Variants in CNOT6L observed in about 807,000 individuals in gnomAD.
CNOT6L encodes the protein CCR4-NOT transcription complex subunit 6-like.
Under a neutral mutation model 64.0 loss-of-function variants are expected in CNOT6L, and 7 were observed. That is an observed-to-expected ratio of 0.11 (90% confidence interval 0.06 to 0.21). CNOT6L has a LOEUF of 0.21. CNOT6L is among the 10% of genes least tolerant of loss of function. The pLI is 1.00. For synonymous variants in CNOT6L, 193 were observed against 243.4 expected (o/e 0.79, Z 1.93); for missense variants, 245 against 669.0 (o/e 0.37, Z 6.99).
chr4:77,819,075 C>CACACA (rs71214371), intron 1 of CNOT6L: 151 of 732,548 alleles, frequency 2.1e-4, no homozygotes, highest in South Asian at 2.8e-4. Context: ...CACACACACA[C>CACACA]CCCGGAACCT....
At chr4:77,819,494 G>T, upstream of CNOT6L, 2 of 1,271,638 alleles carry the variant, frequency 1.6e-6, no homozygotes, top group Non-Finnish European at 2.1e-6. Context: ...CCGAGGGGAA[G>T]CCGCGGCGGC....
At chr4:77,765,377 AAAATTTCTC>A (rs1482703720) in intron 4 of CNOT6L, among the ~76,000 whole-genome samples, 1 of 152,004 alleles carries the variant, frequency 6.6e-6, no homozygotes, top group African/African-American at 2.4e-5. Context: ...CTTAAAAAAA[AAAATTTCTC>A]AAAAGTTCTC....
intron 8 of CNOT6L, among the ~76,000 whole-genome samples, chr4:77,735,107 C>T (rs78860381): frequency 0.064 from 9,732 of 152,178 alleles, 469 homozygotes; most frequent in African/African-American, 0.13. Flanking sequence ...AATTAGAAAT[C>T]GAAAGCAAAA....
chr4:77,807,276 C>CAAAAAAAAAAAAAA lies in CNOT6L; in HGVS notation c.5+12014_5+12027dup, dbSNP rs58452605. ...ATGGCGACAGAGTGAGACTCCATCT[C>CAAAAAAAAAAAAAA]AAAAAAAAAAAAAAAAATCCTACAA... On this transcript the variant is annotated intron_variant, in intron 1 of 11. Transcript: ENST00000504123. Among the ~76,000 whole-genome samples, 34 of 108,178 alleles carry CAAAAAAAAAAAAAA rather than the reference C, an allele frequency of 3.1e-4. 1 individual carries two copies. Among genetic ancestry groups the CAAAAAAAAAAAAAA allele is most frequent in the African/African-American group, 1.4e-3 (32 of 22,442 alleles). The allele number at this position is 108,178 out of a possible 152,430, so 71.0% of individuals were successfully genotyped here.
intron 10 of CNOT6L, among the ~76,000 whole-genome samples, 158 bp downstream of exon 10, chr4:77,728,696 C>A (rs1231396957): frequency 6.6e-6 from 1 of 152,160 alleles, no homozygotes. Flanking sequence ...TTGGTAATAG[C>A]TTCTTTATTA....
chr4:77,748,825 G>A (rs1368950177), intron 5 of CNOT6L, among the ~76,000 whole-genome samples: 1 of 152,078 alleles, frequency 6.6e-6, no homozygotes, highest in East Asian at 1.9e-4. Flanking sequence ...GAATTTTCTA[G>A]TGGGGCCTTC....
intron 1 of CNOT6L, among the ~76,000 whole-genome samples, chr4:77,791,923 CATAA>C (rs1239061916): frequency 6.6e-6 from 1 of 152,022 alleles, no homozygotes; most frequent in Non-Finnish European, 1.5e-5. Flanking sequence ...ATACTTGAAG[CATAA>C]ATATATTCAA....
At chr4:77,794,351 A>C (rs1416607821) in intron 1 of CNOT6L, among the ~76,000 whole-genome samples, 2 of 152,054 alleles carry the variant, frequency 1.3e-5, no homozygotes, top group East Asian at 1.9e-4. Context: ...TATGGACTTC[A>C]TGAACATAAA....
rs1269779238 is a variant in CNOT6L at position 77,716,455 on chromosome 4, G to A, written c.*3976C>T. 3.9e-5 allele frequency: 6 copies of A among 152,018 alleles called. No individual in the cohort carries two copies. Among genetic ancestry groups the A allele is most frequent in the Non-Finnish European group, 1.5e-5 (1 of 67,982 alleles). The allele number at this position is 152,018 out of a possible 1,614,324, so 9.4% of individuals were successfully genotyped here. ...ATGTATTTAGCCTATTCTTCCCTGTGCTTTCTATAGTCTGCTGTTTCATAC... is the reference window on the plus strand; with the variant it reads ...ATGTATTTAGCCTATTCTTCCCTGTACTTTCTATAGTCTGCTGTTTCATAC... On this transcript the variant is annotated 3_prime_UTR_variant, in exon 12 of 12. Coordinates refer to ENST00000504123, the MANE Select transcript of CNOT6L (RefSeq NM_144571.3).
intron 1 of CNOT6L, among the ~76,000 whole-genome samples, chr4:77,812,710 A>G (rs1383724499): frequency 6.6e-6 from 1 of 152,144 alleles, no homozygotes; most frequent in Non-Finnish European, 1.5e-5. Flanking sequence ...TCCCATGTTC[A>G]TGGACAGGAA....
At chr4:77,799,442 C>T (rs1334390366) in intron 1 of CNOT6L, among the ~76,000 whole-genome samples, 5 of 151,898 alleles carry the variant, frequency 3.3e-5, no homozygotes, top group Non-Finnish European at 4.4e-5. Context: ...TGGTGGTTCA[C>T]GCCTGTAATC....
intron 1 of CNOT6L, among the ~76,000 whole-genome samples, chr4:77,799,354 G>A (rs1468364720): frequency 1.3e-5 from 2 of 152,298 alleles, no homozygotes; most frequent in East Asian, 3.9e-4. Context: ...TGAGGCTGCA[G>A]TGAACCACGC....
intron 10 of CNOT6L, among the ~76,000 whole-genome samples, chr4:77,728,418 CAGA>C (rs781153593): frequency 1.3e-4 from 20 of 152,186 alleles, no homozygotes; most frequent in Non-Finnish European, 2.8e-4. Flanking sequence ...GATGAAAGGA[CAGA>C]AGCAGAGTGA....
chr4:77,791,284 C>A (rs146771687), intron 1 of CNOT6L, among the ~76,000 whole-genome samples: 146 of 152,134 alleles, frequency 9.6e-4, no homozygotes, highest in African/African-American at 3.3e-3. Flanking sequence ...TCCAAATAAT[C>A]ATCATCATCA....
In CNOT6L at chr4:77,720,033, GTATT is replaced by G. The variant is rs1196536451; in HGVS notation, c.*394_*397del. The G allele has an allele frequency of 1.8e-5, 3 of 167,804 alleles. No homozygotes were observed. Among genetic ancestry groups the G allele is most frequent in the African/African-American group, 7.2e-5 (3 of 41,582 alleles). The allele number at this position is 167,804 out of a possible 1,614,324, so 10.4% of individuals were successfully genotyped here. On this transcript the variant is annotated 3_prime_UTR_variant, in exon 12 of 12. Coordinates refer to ENST00000504123, the MANE Select transcript of CNOT6L (RefSeq NM_144571.3). ...ATATCATCATTCAGTTTAAAATACT[GTATT>G]TATAGTTTTTAAAAATTGCCTTTTA...
chr4:77,780,730 A>C (rs1029400969), intron 1 of CNOT6L, among the ~76,000 whole-genome samples: 1 of 151,078 alleles, frequency 6.6e-6, no homozygotes, highest in Non-Finnish European at 1.5e-5. Flanking sequence ...CAGGGTGAAG[A>C]CTTTAATAAA....
At chr4:77,787,516 G>A (rs757387101) in intron 1 of CNOT6L, among the ~76,000 whole-genome samples, 77 of 152,092 alleles carry the variant, frequency 5.1e-4, no homozygotes, top group Non-Finnish European at 7.1e-4. Flanking sequence ...ATAGCATGGC[G>A]TTTCAATGTC....
chr4:77,720,215 A>G lies in CNOT6L; in HGVS notation c.*216T>C. ...AAGGTCCAATTTAAAAACATGTTAA[A>G]TTAAAATTTTGTAAAGAGAGTAATA... On this transcript the variant is annotated 3_prime_UTR_variant, in exon 12 of 12. Transcript: ENST00000504123. The G allele has an allele frequency of 2.1e-6, 1 of 469,400 alleles. No individual in the cohort carries two copies. Among genetic ancestry groups the G allele is most frequent in the Non-Finnish European group, 3.8e-6 (1 of 264,064 alleles). 29.1% of individuals were successfully genotyped at this position (469,400 alleles called of 1,614,324 possible).
chr4:77,819,136 C>G, intron 1 of CNOT6L, 168 bp downstream of exon 1: 1 of 1,361,450 alleles, frequency 7.3e-7, no homozygotes, highest in Non-Finnish European at 1.0e-6. Flanking sequence ...CCTCCAGTCA[C>G]CCGACACACA....
Sources: allele counts gnomAD v4.1 joint callset (sites outside exome capture counted in the v4.1 genomes callset), GRCh38; gene constraint gnomAD v4.1.1; transcripts MANE v1.5; gene names NCBI Gene and HGNC (gene_info 2026-07-23, HGNC 2026-07-21).